The following TACC1 variants were observed in gnomAD, a reference collection of about 807,000 sequenced individuals.
The protein encoded by TACC1 is transforming acidic coiled-coil containing protein 1.
In TACC1, 48 loss-of-function variants were observed where a neutral mutation model predicts 84.4. That is an observed-to-expected ratio of 0.57 (90% confidence interval 0.45 to 0.72). TACC1 has a LOEUF of 0.72. TACC1 is among the 30% of genes least tolerant of loss of function. The pLI, the probability that TACC1 is intolerant of heterozygous loss-of-function variation, is 0.00. For synonymous variants in TACC1, 372 were observed against 376.3 expected (o/e 0.99, Z 0.13); for missense variants, 920 against 973.0 (o/e 0.95, Z 0.72).
At chr8:38,757,578 C>G (rs1006505038) in intron 3 of TACC1, among the ~76,000 whole-genome samples, 6 of 151,996 alleles carry the variant, frequency 3.9e-5, no homozygotes, top group Admixed American at 2.0e-4. Context: ...CAGCAGGGCC[C>G]CAGGGGCGTC....
At chr8:38,829,842 GCTGC>G (rs1243337176) in intron 5 of TACC1, among the ~76,000 whole-genome samples, 1 of 152,238 alleles carries the variant, frequency 6.6e-6, no homozygotes, top group Non-Finnish European at 1.5e-5. Context: ...GCAAGTGGAG[GCTGC>G]GGTCCTGGGT....
In TACC1 at chr8:38,733,169, C is replaced by G. The variant is rs575852253; in HGVS notation, c.-675+4498C>G. Among the ~76,000 whole-genome samples, 5 of 152,188 alleles carry G rather than the reference C, an allele frequency of 3.3e-5. No individual in the cohort carries two copies. The South Asian group carries it at 1.0e-3, about 32-fold the overall frequency. The stretch of plus-strand genomic sequence containing the variant: ...GCTCATCCCAGGCCACTCAAGATAT[C>G]AGGGATATCTTTTTCTTTTTTCCAG... On this transcript the variant is annotated intron_variant, in intron 1 of 14. Coordinates refer to the TACC1 transcript ENST00000518415.
At chr8:38,771,831 G>A (rs1813677737) in intron 3 of TACC1, among the ~76,000 whole-genome samples, 1 of 152,148 alleles carries the variant, frequency 6.6e-6, no homozygotes, top group Non-Finnish European at 1.5e-5. Context: ...CAACTCCTGG[G>A]CTCAAGTGAT....
At chr8:38,786,319 T>C (rs991153443), upstream of TACC1, among the ~76,000 whole-genome samples, 4 of 152,196 alleles carry the variant, frequency 2.6e-5, no homozygotes, top group African/African-American at 9.7e-5. Flanking sequence ...CCTTCAAACC[T>C]AAAGATGTCG....
At chr8:38,821,306 C>G (rs758026658) in intron 3 of TACC1, among the ~76,000 whole-genome samples, 5 of 152,080 alleles carry the variant, frequency 3.3e-5, no homozygotes, top group Admixed American at 6.5e-5. Flanking sequence ...ATTCAAATGT[C>G]ACTGCTGGCC....
At chr8:38,772,551 A>G (rs1290635240) in intron 3 of TACC1, among the ~76,000 whole-genome samples, 2 of 152,208 alleles carry the variant, frequency 1.3e-5, no homozygotes. Flanking sequence ...AAGGAGGCAC[A>G]TGTGGGTTCT....
chr8:38,791,182 G>C (rs942318902), intron 2 of TACC1, among the ~76,000 whole-genome samples: 1 of 152,116 alleles, frequency 6.6e-6, no homozygotes, highest in African/African-American at 2.4e-5. Flanking sequence ...TAGAGGCCTG[G>C]ATGACCTAGG....
chr8:38,810,977 G>A (rs931693920), intron 2 of TACC1, among the ~76,000 whole-genome samples: 3 of 152,070 alleles, frequency 2.0e-5, no homozygotes, highest in African/African-American at 4.8e-5. Flanking sequence ...AAAACTAGCT[G>A]GGTGTGGTGG....
intron 2 of TACC1, among the ~76,000 whole-genome samples, chr8:38,815,686 TG>T (rs1825281051): frequency 6.6e-6 from 1 of 152,190 alleles, no homozygotes; most frequent in Admixed American, 6.5e-5. Flanking sequence ...CCCAAAGTGC[TG>T]GGATTACAGG....
intron 2 of TACC1, among the ~76,000 whole-genome samples, chr8:38,791,052 GAC>G (rs1194980966): frequency 2.6e-5 from 4 of 152,138 alleles, no homozygotes; most frequent in Non-Finnish European, 5.9e-5. Context: ...AAGCTCATAA[GAC>G]ACATGTTAAG....
At chr8:38,841,006 G>A (rs927377655) in intron 9 of TACC1, among the ~76,000 whole-genome samples, 2 of 152,176 alleles carry the variant, frequency 1.3e-5, no homozygotes. Flanking sequence ...CCGAGATCGT[G>A]CCACTGCACT....
chr8:38,827,599 C>G, intron 5 of TACC1: 1 of 574,484 alleles, frequency 1.7e-6, no homozygotes, highest in South Asian at 2.1e-5. Context: ...ATAGGAGATG[C>G]TGATGTATGT....
At chr8:38,754,146 G>C (rs1458594449) in intron 3 of TACC1, among the ~76,000 whole-genome samples, 1 of 151,992 alleles carries the variant, frequency 6.6e-6, no homozygotes, top group Non-Finnish European at 1.5e-5. Flanking sequence ...GTAGAGACAG[G>C]TTTCGCCATG....
Position 38,851,732 on chromosome 8 carries a change from G to A in TACC1, c.*3709G>A. On this transcript the variant is annotated 3_prime_UTR_variant, in exon 13 of 13. Coordinates refer to ENST00000317827, the MANE Select transcript of TACC1 (RefSeq NM_006283.3). ...GTTAGGAAGATAGAAACTAGGTTTT[G>A]AAAGATTACATGATTCAAGCGAGGG... 1 of 320,070 alleles carries A rather than the reference G, an allele frequency of 3.1e-6. No individual in the cohort carries two copies. Among genetic ancestry groups the A allele is most frequent in the South Asian group, 2.5e-5 (1 of 39,416 alleles). 19.8% of individuals were successfully genotyped at this position (320,070 alleles called of 1,614,324 possible).
intron 2 of TACC1, among the ~76,000 whole-genome samples, chr8:38,816,920 C>T (rs184792159): frequency 1.6e-4 from 25 of 152,284 alleles, no homozygotes; most frequent in African/African-American, 5.3e-4. Context: ...AAAGTTGCAA[C>T]CCTCTAATCT....
intron 2 of TACC1, among the ~76,000 whole-genome samples, chr8:38,742,913 C>T (rs549025873): frequency 6.6e-6 from 1 of 152,276 alleles, no homozygotes; most frequent in East Asian, 1.9e-4. Flanking sequence ...CAGGGTCTCA[C>T]CATGTTGGCC....
intron 3 of TACC1, among the ~76,000 whole-genome samples, chr8:38,775,531 G>A (rs899628212): frequency 2.0e-4 from 31 of 152,306 alleles, no homozygotes; most frequent in Middle Eastern, 3.4e-3. Context: ...CCTCCTGGAT[G>A]TCTTCTCCCT....
chr8:38,834,242 T>G (rs1829799002), intron 6 of TACC1, among the ~76,000 whole-genome samples: 1 of 152,234 alleles, frequency 6.6e-6, no homozygotes, highest in African/African-American at 2.4e-5. Flanking sequence ...CTCATGTGGT[T>G]GTTGGCAAGT....
chr8:38,791,809 C>G (rs901109954), intron 2 of TACC1, among the ~76,000 whole-genome samples: 11 of 152,206 alleles, frequency 7.2e-5, no homozygotes, highest in African/African-American at 2.7e-4. Context: ...TGTAAACATT[C>G]TGGCTTCCTG....
Sources: gnomAD v4.1 joint callset for allele counts (sites outside exome capture counted in the v4.1 genomes callset) on GRCh38, gnomAD v4.1.1 for gene constraint, MANE v1.5 for transcripts, NCBI Gene and HGNC (gene_info 2026-07-23, HGNC 2026-07-21) for gene names.